The following ADAM15 variants were observed in gnomAD, a reference collection of about 807,000 sequenced individuals.
ADAM15 encodes the protein ADAM metallopeptidase domain 15.
A neutral mutation model predicts 113.8 loss-of-function variants in ADAM15; 77 were observed. The ratio of observed to expected loss-of-function variants is 0.68; its 90% CI spans 0.56 to 0.82. ADAM15 has a LOEUF of 0.82. Ranked by LOEUF, ADAM15 falls within the 40% of genes least tolerant of loss-of-function variation. The pLI is 0.00. For synonymous variants in ADAM15, 388 were observed against 454.1 expected, an observed-to-expected ratio of 0.85 and a Z score of 1.85; for missense variants, 963 against 1,120.1, an observed-to-expected ratio of 0.86 and a Z score of 2.00.
In ADAM15 at chr1:155,062,376, G is replaced by A; in HGVS notation, c.2549+7G>A. ...CCCTAGTGGTACCCTCCAGGTAGGAGGAGCCCTGGGCATGGGTGGGCGGGG... is the reference window on the plus strand; with the variant it reads ...CCCTAGTGGTACCCTCCAGGTAGGAAGAGCCCTGGGCATGGGTGGGCGGGG... On this transcript the variant is annotated splice_region_variant and intron_variant, in intron 22 of 22. Transcript: ENST00000356955. This position sits in a 1 kb window ranked among gnomAD's most constrained non-coding sequence, Gnocchi z 7.0. 1 of 1,603,078 alleles carries A rather than the reference G, an allele frequency of 6.2e-7. No homozygotes were observed. Among genetic ancestry groups the A allele is most frequent in the Non-Finnish European group, 8.5e-7 (1 of 1,175,348 alleles).
chr1:155,057,248 G>A lies in ADAM15; in HGVS notation c.1209G>A (p.Leu403=). The part of the protein sequence containing the change: ...CSRRALEKAL[L]DGMGSCLFER... ...GACGGGCCCTGGAGAAAGCCCTCCT[G>A]GATGGAATGGGCAGCTGCCTCTTCG... The change falls in exon 12 of 23, where the codon CTG becomes CTA. Residue 403 remains leucine (L), a synonymous_variant. Transcript: ENST00000356955. This position sits in a 1 kb window ranked among gnomAD's most constrained non-coding sequence, Gnocchi z 5.0. The A allele has an allele frequency of 6.2e-7, 1 of 1,614,172 alleles. No individual in the cohort carries two copies. Among genetic ancestry groups the A allele is most frequent in the Non-Finnish European group, 8.5e-7 (1 of 1,180,024 alleles).
rs1251881303 is a variant in ADAM15, at chr1:155,056,234, G to T, written c.899G>T (p.Ser300Ile). 3 of 1,613,942 alleles carry T rather than the reference G, an allele frequency of 1.9e-6. No homozygotes were observed. The highest frequency in any genetic ancestry group is 2.5e-6 in the Non-Finnish European group (3 of 1,180,026). The change falls in exon 9 of 23, where the codon AGT becomes ATT. Residue 300 changes from serine (S) to isoleucine (I), a missense_variant. Coordinates refer to ENST00000356955, the MANE Select transcript of ADAM15 (RefSeq NM_207197.3). The surrounding 1 kb of genome is among the most constrained non-coding windows in gnomAD (Gnocchi z 4.0). The stretch of plus-strand genomic sequence containing the variant: ...TTGCTGCCTCGATTGCCCCATGACA[G>T]TGCCCAGCTGGTGACGTAAGGGCCC... ...AHLLPRLPHD[S>I]AQLVTGTSFS...
At chr1:155,060,128 C>G (rs1571630036) in intron 17 of ADAM15, 77 bp from the exon 18 acceptor site, 1 of 1,588,938 alleles carries the variant, frequency 6.3e-7, no homozygotes, top group Non-Finnish European at 8.6e-7. Flanking sequence ...CACTTGACTT[C>G]ACTCCCTGCC....
At position 155,057,463 on chromosome 1, in the gene ADAM15, C is replaced by A; in HGVS notation, c.1323+101C>A. On this transcript the variant is annotated intron_variant, in intron 12 of 22. Coordinates refer to ENST00000356955, the MANE Select transcript of ADAM15 (RefSeq NM_207197.3). The surrounding 1 kb of genome is among the most constrained non-coding windows in gnomAD (Gnocchi z 5.0). ...CCTGAGCTCTTGGGTTCTGAAGGGA[C>A]TTTCCACCCCTCTCCTACTTGCCCT... 2 of 1,529,550 alleles carry A rather than the reference C, an allele frequency of 1.3e-6. No individual in the cohort carries two copies. Among genetic ancestry groups the A allele is most frequent in the African/African-American group, 1.4e-5 (1 of 73,344 alleles). The allele number at this position is 1,529,550 out of a possible 1,614,324, so 94.7% of individuals were successfully genotyped here. A position where few individuals can be genotyped will look rare whatever the true frequency, so the allele number is the denominator to read the frequency against.
At position 155,057,751 on chromosome 1, in the gene ADAM15, C is replaced by T. The variant is rs112579155; in HGVS notation, c.1416+22C>T. 99 of 1,614,022 alleles carry T rather than the reference C, an allele frequency of 6.1e-5. 1 individual carries two copies. In the African/African-American group the frequency reaches 8.0e-4, roughly 13 times the overall value. On this transcript the variant is annotated intron_variant, in intron 13 of 22. Coordinates refer to ENST00000356955, the MANE Select transcript of ADAM15 (RefSeq NM_207197.3). This position sits in a 1 kb window ranked among gnomAD's most constrained non-coding sequence, Gnocchi z 5.0. ...CCAGGTGGGTAGAGACTAGACTGGC[C>T]ACCCGGAGCTCACCTGCCGGGGCCA... is the stretch of plus-strand genomic sequence containing the variant.
At position 155,053,899 on chromosome 1, in the gene ADAM15, T is replaced by C. The variant is rs182207452; in HGVS notation, c.264-11T>C. Reference sequence around the variant, plus strand: ...GGCTTTAGCACTGCCTTCTTTTTCTTCACTCCACAGGGAGTTGGTCCCAGG... The same window carrying C: ...GGCTTTAGCACTGCCTTCTTTTTCTCCACTCCACAGGGAGTTGGTCCCAGG... On this transcript the variant is annotated splice_polypyrimidine_tract_variant and intron_variant, in intron 3 of 22. Coordinates refer to ENST00000356955, the MANE Select transcript of ADAM15 (RefSeq NM_207197.3). 1,008 of 1,613,452 alleles carry C rather than the reference T, an allele frequency of 6.2e-4. 9 individuals carry two copies. The African/African-American group carries it at 0.013, about 20-fold the overall frequency.
rs199706846 is a variant in ADAM15 at position 155,061,445 on chromosome 1, C to G, written c.2308C>G (p.Pro770Ala). The change falls in exon 20 of 23, where the codon CCT becomes GCT. Residue 770 changes from proline (P) to alanine (A), a missense_variant. By Grantham distance (27) the Pro-to-Ala change is conservative. Transcript: ENST00000356955. ...TAGTGCTCTCAGCTTCCCGGCCCCC[C>G]CTTCCAGGCCGCTGCCGCCTGACCC... is the stretch of plus-strand genomic sequence containing the variant. ...QASALSFPAPPSRPLPPDPVS... is the reference protein window; with the variant it reads ...QASALSFPAPASRPLPPDPVS... The G allele has an allele frequency of 1.8e-4, 292 of 1,613,876 alleles. 1 individual carries two copies. In the Admixed American group the frequency reaches 2.7e-3, roughly 15 times the overall value.
Position 155,058,173 on chromosome 1 carries a change from G to C in ADAM15, c.1721+18G>C. The stretch of plus-strand genomic sequence containing the variant: ...ACCCCTAGGTAAGTGAGGAAACCTG[G>C]CTCCTCCTTTGGGTTTCTGAGAGCC... On this transcript the variant is annotated intron_variant, in intron 14 of 22. Coordinates refer to ENST00000356955, the MANE Select transcript of ADAM15 (RefSeq NM_207197.3). This position sits in a 1 kb window ranked among gnomAD's most constrained non-coding sequence, Gnocchi z 4.3. The C allele has an allele frequency of 6.2e-7, 1 of 1,610,948 alleles. No individual in the cohort carries two copies. Among genetic ancestry groups the C allele is most frequent in the South Asian group, 1.1e-5 (1 of 90,954 alleles).
chr1:155,061,372 C>T, intron 19 of ADAM15, 43 bp from the exon 20 acceptor site: 2 of 1,568,768 alleles, frequency 1.3e-6, no homozygotes, highest in Non-Finnish European at 8.7e-7. Context: ...CTCTCTGCTT[C>T]CTCTTCCCCC....
chr1:155,052,232 C>G, intron 1 of ADAM15: 1 of 484,688 alleles, frequency 2.1e-6, no homozygotes. Context: ...TTGCACTGCT[C>G]ACCCAGAAAT....
rs137868518 is a variant in ADAM15 at position 155,056,248 on chromosome 1, A to C, written c.913A>C (p.Thr305Pro). ...GCCCCATGACAGTGCCCAGCTGGTG[A>C]CGTAAGGGCCCCAGACTCAGCCAGA... Reference protein sequence around the residue: ...RLPHDSAQLVTGTSFSGPTVG... With the variant: ...RLPHDSAQLVPGTSFSGPTVG... The change falls in exon 9 of 23, where the codon ACT (threonine) becomes CCT (proline). Residue 305 changes from threonine (T) to proline (P), a missense_variant and splice_region_variant. By Grantham distance (38) the Thr-to-Pro change is conservative. Coordinates refer to ENST00000356955, the MANE Select transcript of ADAM15 (RefSeq NM_207197.3). This position sits in a 1 kb window ranked among gnomAD's most constrained non-coding sequence, Gnocchi z 4.0. 1.2e-6 allele frequency: 2 copies of C among 1,613,678 alleles called. No individual in the cohort carries two copies. The highest frequency in any genetic ancestry group is 2.7e-5 in the African/African-American group (2 of 74,868).
At position 155,051,418 on chromosome 1, in the gene ADAM15, T is replaced by C. The variant is rs1273296897; in HGVS notation, c.32T>C (p.Leu11Pro). The C allele has an allele frequency of 6.4e-7, 1 of 1,562,590 alleles. No homozygotes were observed. Among genetic ancestry groups the C allele is most frequent in the African/African-American group, 1.4e-5 (1 of 71,648 alleles). The change falls in exon 1 of 23, where the codon CTC (leucine) becomes CCC (proline). Residue 11 changes from leucine (L) to proline (P), a missense_variant. Coordinates refer to ENST00000356955, the MANE Select transcript of ADAM15 (RefSeq NM_207197.3). MRLALLWALGLLGAGSPLPSW... is the reference protein window; with the variant it reads MRLALLWALGPLGAGSPLPSW... ...CTGGCGCTGCTCTGGGCCCTGGGGC[T>C]CCTGGGCGCGGGCAGCCCTCTGCCT...
Position 155,058,029 on chromosome 1 carries a change from A to G in ADAM15, c.1595A>G (p.Gln532Arg), listed in dbSNP as rs1358779178. ...GRCASYAQQC[Q>R]SLWGPGAQPA... is the part of the protein sequence containing the mutation. ...TGTGCCTCCTATGCCCAGCAGTGCC[A>G]GTCACTTTGGGGACCTGGAGCCCAG... is the stretch of plus-strand genomic sequence containing the variant. Residue 532 changes from glutamine to arginine, a missense_variant, in exon 14 of 23, where the codon CAG (glutamine) becomes CGG (arginine). Physicochemically the swap from Gln to Arg is conservative, Grantham distance 43. Coordinates refer to ENST00000356955, the MANE Select transcript of ADAM15 (RefSeq NM_207197.3). This position sits in a 1 kb window ranked among gnomAD's most constrained non-coding sequence, Gnocchi z 4.3. The G allele has an allele frequency of 1.2e-6, 2 of 1,614,090 alleles. No homozygotes were observed. Among genetic ancestry groups the G allele is most frequent in the Non-Finnish European group, 1.7e-6 (2 of 1,180,042 alleles).
chr1:155,052,653 G>T lies in ADAM15; in HGVS notation c.80-18G>T. On this transcript the variant is annotated intron_variant, in intron 1 of 22. Coordinates refer to ENST00000356955, the MANE Select transcript of ADAM15 (RefSeq NM_207197.3). ...TCGATTCCCTCAGTACTGTCTTGGG[G>T]TGTCCTGGGACCTGCAGGTGGCACT... 1 of 1,588,716 alleles carries T rather than the reference G, an allele frequency of 6.3e-7. No individual in the cohort carries two copies. Among genetic ancestry groups the T allele is most frequent in the Non-Finnish European group, 8.6e-7 (1 of 1,168,244 alleles).
rs757716946 is a variant in ADAM15 at position 155,051,498 on chromosome 1, G to A, written c.79+33G>A. On this transcript the variant is annotated intron_variant, in intron 1 of 22. Transcript: ENST00000356955. Reference sequence around the variant, plus strand: ...CTCCGCCTGGAGTGGGTCGGGGGGCGGACTGGGAGGGAGGTGCAGGAAAGT... The same window carrying A: ...CTCCGCCTGGAGTGGGTCGGGGGGCAGACTGGGAGGGAGGTGCAGGAAAGT... 1.7e-5 allele frequency: 26 copies of A among 1,497,468 alleles called. No homozygotes were observed. In the South Asian group the frequency reaches 2.4e-4, roughly 14 times the overall value. The allele number at this position is 1,497,468 out of a possible 1,614,324, so 92.8% of individuals were successfully genotyped here.
rs993565444 is a variant in ADAM15, at chr1:155,051,544, G to A, written c.79+79G>A. The A allele has an allele frequency of 6.0e-6, 8 of 1,333,886 alleles. No individual in the cohort carries two copies. In the African/African-American group the frequency reaches 1.3e-4, roughly 21 times the overall value. 82.6% of individuals were successfully genotyped at this position (1,333,886 alleles called of 1,614,324 possible). ...AAAGTCGGAAGGCATTAGGGTAATG[G>A]GGCCGGACGGAGACCCTGGGAGAGC... On this transcript the variant is annotated intron_variant, in intron 1 of 22. Transcript: ENST00000356955.
intron 17 of ADAM15, 59 bp downstream of exon 17, chr1:155,060,033 T>C: frequency 6.2e-7 from 1 of 1,603,268 alleles, no homozygotes; most frequent in South Asian, 1.1e-5. Flanking sequence ...ATGCTTTATC[T>C]TGCCCCCTCG....
chr1:155,051,338 C>T lies in ADAM15; in HGVS notation c.-49C>T, dbSNP rs1263760203. 5 of 1,382,488 alleles carry T rather than the reference C, an allele frequency of 3.6e-6. No homozygotes were observed. Among genetic ancestry groups the T allele is most frequent in the African/African-American group, 1.5e-5 (1 of 64,908 alleles). The allele number at this position is 1,382,488 out of a possible 1,614,324, so 85.6% of individuals were successfully genotyped here. A position where few individuals can be genotyped will look rare whatever the true frequency, so the allele number is the denominator to read the frequency against. On this transcript the variant is annotated 5_prime_UTR_variant, in exon 1 of 23. Coordinates refer to ENST00000356955, the MANE Select transcript of ADAM15 (RefSeq NM_207197.3). Reference sequence around the variant, plus strand: ...GACCTGGCCGCCGGCCGCTCCTCCGCGCGCTGTTCCGCACTTGCTGCCCTC... The same window carrying T: ...GACCTGGCCGCCGGCCGCTCCTCCGTGCGCTGTTCCGCACTTGCTGCCCTC...
In ADAM15 at chr1:155,057,055, C is replaced by G. The variant is rs888426736; in HGVS notation, c.1102C>G (p.Pro368Ala). ...TTTGCCTGGGAATAGCTGCCCCTGT[C>G]CAGGTCCAGCCCCAGCCAAGACCTG... Reference protein sequence around the residue: ...HDLPGNSCPCPGPAPAKTCIM... With the variant: ...HDLPGNSCPCAGPAPAKTCIM... Residue 368 changes from proline to alanine, a missense_variant, in exon 11 of 23, where the codon CCA becomes GCA. Pro to Ala is a conservative substitution (Grantham distance 27, BLOSUM62 -1). Transcript: ENST00000356955. This position sits in a 1 kb window ranked among gnomAD's most constrained non-coding sequence, Gnocchi z 5.0. 1 of 1,594,700 alleles carries G rather than the reference C, an allele frequency of 6.3e-7. No homozygotes were observed. The highest frequency in any genetic ancestry group is 8.6e-7 in the Non-Finnish European group (1 of 1,168,472).
Sources: gnomAD v4.1 joint callset for allele counts on GRCh38, gnomAD v4.1.1 for gene constraint, Gnocchi (gnomAD v3.1) non-coding constraint, MANE v1.5 for transcripts, NCBI Gene and HGNC (gene_info 2026-07-23, HGNC 2026-07-21) for gene names.